Variants in DSP observed in about 807,000 individuals in gnomAD.
DSP encodes desmoplakin.
Under a neutral mutation model 290.6 loss-of-function variants are expected in DSP, and 114 were observed. The observed-to-expected ratio is 0.39, with a 90% confidence interval of 0.34 to 0.46. The LOEUF (loss-of-function observed/expected upper bound fraction) is 0.46, where lower values mean the gene tolerates loss of function less well. Ranked by LOEUF, DSP falls within the 20% of genes least tolerant of loss-of-function variation. The pLI, the probability that DSP is intolerant of heterozygous loss-of-function variation, is 0.99. For synonymous variants in DSP, 1,311 were observed against 1,316.4 expected (o/e 1.00, Z 0.09); for missense variants, 3,230 against 3,495.8 (o/e 0.92, Z 1.92).
chr6:7,581,591 C>T (rs1230814438), intron 23 of DSP, 22 bp downstream of exon 23: 2 of 1,610,510 alleles, frequency 1.2e-6, no homozygotes, highest in Non-Finnish European at 1.7e-6. Context: ...TACTTGATCA[C>T]AGCTTCACTG....
chr6:7,555,556 G>A (rs1332365692), intron 1 of DSP, among the ~76,000 whole-genome samples, 162 bp from the exon 2 acceptor site: 1 of 151,910 alleles, frequency 6.6e-6, no homozygotes, highest in Non-Finnish European at 1.5e-5. Context: ...AGGGGAGAAG[G>A]GGGATAAAAG....
At chr6:7,578,713 TG>T in intron 22 of DSP, 151 bp downstream of exon 22, 4 of 663,968 alleles carry the variant, frequency 6.0e-6, no homozygotes, top group Non-Finnish European at 1.0e-5. Flanking sequence ...TTTGTAAGTC[TG>T]GGGTTACTTC....
chr6:7,575,471 T>C lies in DSP; in HGVS notation c.2613T>C (p.Asp871=), dbSNP rs1759212109. The part of the protein sequence containing the change: ...TQLTDRWQRI[D]KQIDFRLWDL... ...TGACAGACCGCTGGCAAAGGATAGA[T>C]AAACAGATCGACTTTAGGTATGCCA... The change falls in exon 18 of 24, where the codon GAT becomes GAC. Residue 871 remains aspartate, a synonymous_variant. Transcript: ENST00000379802. 6.2e-7 allele frequency: 1 copy of C among 1,614,212 alleles called. No individual in the cohort carries two copies. Among genetic ancestry groups the C allele is most frequent in the South Asian group, 1.1e-5 (1 of 91,092 alleles).
chr6:7,574,134 A>G lies in DSP; in HGVS notation c.2179A>G (p.Lys727Glu). Residue 727 changes from lysine (K) to glutamate (E), a missense_variant, in exon 16 of 24, where the codon AAA becomes GAA. This residue lies in a region of DSP where 1,714 missense variants were observed against 1,844.5 expected (regional missense o/e 0.93). Transcript: ENST00000379802. ...AATTGCTGAGGTTCTCAACCAGCTTAAAGATATGCTTGCCAACTTCAGAGG... is the reference window on the plus strand; with the variant it reads ...AATTGCTGAGGTTCTCAACCAGCTTGAAGATATGCTTGCCAACTTCAGAGG... ...QAIAEVLNQLKDMLANFRGSE... is the reference protein window; with the variant it reads ...QAIAEVLNQLEDMLANFRGSE... 6.2e-7 allele frequency: 1 copy of G among 1,614,152 alleles called. No individual in the cohort carries two copies.
chr6:7,582,650 T>G lies in DSP; in HGVS notation c.5388T>G (p.Asn1796Lys). The change falls in exon 24 of 24, where the codon AAT (asparagine) becomes AAG (lysine). Residue 1796 changes from asparagine to lysine, a missense_variant. By Grantham distance (94) the Asn-to-Lys change is moderately conservative (BLOSUM62 0). Around this residue, in one of 5 missense-constraint regions of DSP, gnomAD observed 1,714 missense variants for 1,844.5 expected, o/e 0.93. Transcript: ENST00000379802. The surrounding 1 kb of genome is among the most constrained non-coding windows in gnomAD (Gnocchi z 4.2). ...KFQKQALEAS[N>K]RIQESKNQCT... is the part of the protein sequence containing the mutation. ...TTCTTCTTCAATTCCAGGCATCTAATAGGATTCAGGAATCAAAGAATCAGT... is the reference window on the plus strand; with the variant it reads ...TTCTTCTTCAATTCCAGGCATCTAAGAGGATTCAGGAATCAAAGAATCAGT... 1 of 1,613,654 alleles carries G rather than the reference T, an allele frequency of 6.2e-7. No homozygotes were observed. The highest frequency in any genetic ancestry group is 8.5e-7 in the Non-Finnish European group (1 of 1,179,710).
chr6:7,552,616 C>A (rs1020057877), intron 1 of DSP, among the ~76,000 whole-genome samples: 1 of 144,918 alleles, frequency 6.9e-6, no homozygotes, highest in African/African-American at 2.5e-5. Flanking sequence ...TAGAAAAGCA[C>A]GAAGAATTTA....
chr6:7,563,361 C>T (rs1287872605), intron 5 of DSP, among the ~76,000 whole-genome samples: 1 of 133,964 alleles, frequency 7.5e-6, no homozygotes, highest in East Asian at 2.2e-4. Flanking sequence ...ATCCTCATTT[C>T]TTCTTCTGGC....
Position 7,583,379 on chromosome 6 carries a change from A to G in DSP, c.6117A>G (p.Leu2039=), listed in dbSNP as rs772046977. 15 of 1,614,150 alleles carry G rather than the reference A, an allele frequency of 9.3e-6. No homozygotes were observed. The highest frequency in any genetic ancestry group is 1.3e-5 in the Non-Finnish European group (15 of 1,180,010). Residue 2039 remains leucine (L), a synonymous_variant, in exon 24 of 24, where the codon TTA becomes TTG. Coordinates refer to ENST00000379802, the MANE Select transcript of DSP (RefSeq NM_004415.4). This position sits in a 1 kb window ranked among gnomAD's most constrained non-coding sequence, Gnocchi z 4.0. ...TGGTAGAGGCCAAGAGAAAGAAATT[A>G]ATCAGCCCAGAATCCACAGTCATGC... ...YSLVEAKRKK[L]ISPESTVMLL...
rs762317837 is a variant in DSP, at chr6:7,566,336, G to A, written c.940-41G>A. The A allele has an allele frequency of 8.4e-6, 13 of 1,539,878 alleles. No individual in the cohort carries two copies. In the African/African-American group the frequency reaches 1.8e-4, roughly 21 times the overall value. ...ACTGTGGGGGTGATGGAAGTTTAAT[G>A]ATGACTTGCTGCAAAGGATTTCTTA... is the stretch of plus-strand genomic sequence containing the variant. On this transcript the variant is annotated intron_variant, in intron 7 of 23. Coordinates refer to ENST00000379802, the MANE Select transcript of DSP (RefSeq NM_004415.4).
chr6:7,577,953 C>T (rs952691921), intron 21 of DSP, 67 bp downstream of exon 21: 1 of 1,275,344 alleles, frequency 7.8e-7, no homozygotes, highest in Non-Finnish European at 1.1e-6. Flanking sequence ...TTCCCTGTCT[C>T]CTGCCTCTTC....
chr6:7,563,096 C>G (rs1481990541), intron 5 of DSP, among the ~76,000 whole-genome samples: 15 of 152,132 alleles, frequency 9.9e-5, no homozygotes, highest in Admixed American at 9.8e-4. Flanking sequence ...AGGGGAAATG[C>G]AACAGTCTTA....
At chr6:7,557,446 G>A (rs1351990665) in intron 2 of DSP, among the ~76,000 whole-genome samples, 17 of 152,170 alleles carry the variant, frequency 1.1e-4, no homozygotes, top group South Asian at 2.1e-4. Context: ...TTGGGAGGCC[G>A]AGGCGGGTGT....
At chr6:7,560,414 T>C (rs575541168) in intron 4 of DSP, among the ~76,000 whole-genome samples, 19 of 152,322 alleles carry the variant, frequency 1.2e-4, no homozygotes, top group African/African-American at 4.6e-4. Context: ...AAGGTAAGGC[T>C]TAGAAAGAAC....
chr6:7,553,134 T>A (rs748282596), intron 1 of DSP, among the ~76,000 whole-genome samples: 1 of 152,198 alleles, frequency 6.6e-6, no homozygotes, highest in Non-Finnish European at 1.5e-5. Flanking sequence ...CATGCCTCCA[T>A]CATTTTATTT....
chr6:7,575,563 G>A (rs889825923), intron 18 of DSP, 75 bp downstream of exon 18: 4 of 1,571,126 alleles, frequency 2.5e-6, no homozygotes, highest in Non-Finnish European at 3.5e-6. Flanking sequence ...CACTTGAAGG[G>A]AACCACTGAA....
intron 1 of DSP, among the ~76,000 whole-genome samples, chr6:7,542,318 G>C (rs1758018668): frequency 6.6e-6 from 1 of 152,108 alleles, no homozygotes; most frequent in South Asian, 2.1e-4. Context: ...CTCCCCTCCC[G>C]CGAGCCCGGG....
In DSP at chr6:7,582,676, G is replaced by T. The variant is rs768161038; in HGVS notation, c.5414G>T (p.Cys1805Phe). 1.2e-6 allele frequency: 2 copies of T among 1,613,694 alleles called. No homozygotes were observed. Among genetic ancestry groups the T allele is most frequent in the Non-Finnish European group, 1.7e-6 (2 of 1,179,940 alleles). Residue 1805 changes from cysteine to phenylalanine, a missense_variant, in exon 24 of 24, where the codon TGT becomes TTT. Coordinates refer to ENST00000379802, the MANE Select transcript of DSP (RefSeq NM_004415.4). This position sits in a 1 kb window ranked among gnomAD's most constrained non-coding sequence, Gnocchi z 4.2. Reference protein sequence around the residue: ...SNRIQESKNQCTQVVQERESL... With the variant: ...SNRIQESKNQFTQVVQERESL... ...AGGATTCAGGAATCAAAGAATCAGT[G>T]TACTCAGGTGGTACAGGAAAGAGAG...
intron 19 of DSP, 23 bp downstream of exon 19, chr6:7,576,479 A>C: frequency 6.2e-7 from 1 of 1,613,964 alleles, no homozygotes; most frequent in Non-Finnish European, 8.5e-7. Context: ...TTTTTGTTCC[A>C]TAGCTGTTTT....
Position 7,583,134 on chromosome 6 carries a change from G to C in DSP, c.5872G>C (p.Glu1958Gln), listed in dbSNP as rs1759501829. 6.2e-7 allele frequency: 1 copy of C among 1,614,102 alleles called. No homozygotes were observed. The highest frequency in any genetic ancestry group is 8.5e-7 in the Non-Finnish European group (1 of 1,180,026). ...GSHRETQTEC[E>Q]WTVDTSKLVF... ...CCATCGAGAGACCCAGACTGAGTGT[G>C]AGTGGACCGTTGACACCTCCAAGCT... The change falls in exon 24 of 24, where the codon GAG becomes CAG. Residue 1958 changes from glutamate (E) to glutamine (Q), a missense_variant. Glu to Gln is a conservative substitution (Grantham distance 29). Coordinates refer to ENST00000379802, the MANE Select transcript of DSP (RefSeq NM_004415.4). The surrounding 1 kb of genome is among the most constrained non-coding windows in gnomAD (Gnocchi z 4.0).
Sources: gnomAD v4.1 joint callset for allele counts (sites outside exome capture counted in the v4.1 genomes callset) on GRCh38, gnomAD v4.1.1 for gene constraint, gnomAD v4.1.1 regional missense constraint, Gnocchi (gnomAD v3.1) non-coding constraint, MANE v1.5 for transcripts, NCBI Gene and HGNC (gene_info 2026-07-23, HGNC 2026-07-21) for gene names.